Variants in STK25 observed in about 807,000 individuals in gnomAD.
STK25 encodes serine/threonine-protein kinase 25.
A neutral mutation model predicts 53.8 loss-of-function variants in STK25; 29 were observed. The observed-to-expected ratio is 0.54, with a 90% CI of 0.40 to 0.74. The LOEUF (loss-of-function observed/expected upper bound fraction) is 0.74. Among genes scored for constraint, STK25 ranks in the 30% least tolerant of loss-of-function variants. The pLI, the probability that STK25 is intolerant of heterozygous loss-of-function variation, is 0.00. For missense variants in STK25, 420 were observed against 568.0 expected (o/e 0.74, Z 2.65); for synonymous variants, 247 against 238.3 (o/e 1.04, Z -0.33).
rs1391939786 is a variant in STK25, at chr2:241,493,507, C to A, written c.*2155G>T. Reference sequence around the variant, plus strand: ...TTCGATGTCCGCTCAGCTCCCATTTCTACTCATGGTGGTGGAGGCAAGTTT... The same window carrying A: ...TTCGATGTCCGCTCAGCTCCCATTTATACTCATGGTGGTGGAGGCAAGTTT... On this transcript the variant is annotated 3_prime_UTR_variant, in exon 12 of 12. Coordinates refer to ENST00000316586, the MANE Select transcript of STK25 (RefSeq NM_001271977.2). The A allele has an allele frequency of 1.3e-6, 2 of 1,531,908 alleles. No individual in the cohort carries two copies. Among genetic ancestry groups the A allele is most frequent in the Non-Finnish European group, 1.8e-6 (2 of 1,108,866 alleles). 94.9% of individuals were successfully genotyped at this position (1,531,908 alleles called of 1,614,324 possible). A position where few individuals can be genotyped will look rare whatever the true frequency, so the allele number is the denominator to read the frequency against.
At position 241,498,367 on chromosome 2, in the gene STK25, T is replaced by A; in HGVS notation, c.918-18A>T. On this transcript the variant is annotated intron_variant, in intron 8 of 11. Coordinates refer to ENST00000316586, the MANE Select transcript of STK25 (RefSeq NM_001271977.2). ...CGCCATCACTGAAGAGGATGAGGAG[T>A]TGCCAGGGCCAGTGGGGAGAGGGCC... 6.4e-7 allele frequency: 1 copy of A among 1,559,446 alleles called. No individual in the cohort carries two copies. The highest frequency in any genetic ancestry group is 8.7e-7 in the Non-Finnish European group (1 of 1,145,344).
At position 241,499,323 on chromosome 2, in the gene STK25, G is replaced by T; in HGVS notation, c.519C>A (p.Asn173Lys). 6.8e-6 allele frequency: 11 copies of T among 1,614,050 alleles called. No homozygotes were observed. Among genetic ancestry groups the T allele is most frequent in the Non-Finnish European group, 9.3e-6 (11 of 1,179,994 alleles). Residue 173 changes from asparagine (N) to lysine (K), a missense_variant, in exon 6 of 12, where the codon AAC (asparagine) becomes AAA (lysine). Transcript: ENST00000316586. ...TCCAGAAGGGGGTGCCCACGAATGT[G>T]TTCCTCTTAATCTGCGTGTCTGTGA... ...GQLTDTQIKR[N>K]TFVGTPFWMA...
Position 241,497,668 on chromosome 2 carries a change from CTCT to C in STK25, c.1049_1051del (p.Lys350del). The C allele has an allele frequency of 6.2e-7, 1 of 1,613,498 alleles. No individual in the cohort carries two copies. The highest frequency in any genetic ancestry group is 8.5e-7 in the Non-Finnish European group (1 of 1,180,006). On this transcript the variant is annotated inframe_deletion, in exon 10 of 12. Coordinates refer to ENST00000316586, the MANE Select transcript of STK25 (RefSeq NM_001271977.2). ...GGACAGGCACTGGGACCTCGGCTGC[CTCT>C]TGACGGGCTCCGCAGGCTGCAAAGG...
rs752281908 is a variant in STK25 at position 241,498,691 on chromosome 2, G to A, written c.865C>T (p.Arg289Cys). 4.3e-6 allele frequency: 7 copies of A among 1,614,004 alleles called. No homozygotes were observed. Among genetic ancestry groups the A allele is most frequent in the African/African-American group, 4.0e-5 (3 of 74,946 alleles). ...FLTELIDRYKRWKSEGHGEES... is the reference protein window; with the variant it reads ...FLTELIDRYKCWKSEGHGEES... The stretch of plus-strand genomic sequence containing the variant: ...TCGCCATGCCCCTCTGACTTCCAGC[G>A]CTTATAGCGGTCGATGAGCTCCGTG... The change falls in exon 8 of 12, where the codon CGC (arginine) becomes TGC (cysteine). Residue 289 changes from arginine (R) to cysteine (C), a missense_variant. Physicochemically the swap from Arg to Cys is radical, Grantham distance 180. Coordinates refer to ENST00000316586, the MANE Select transcript of STK25 (RefSeq NM_001271977.2).
At position 241,500,185 on chromosome 2, in the gene STK25, G is replaced by A. The variant is rs752104382; in HGVS notation, c.415C>T (p.Arg139Ter). Residue 139 changes from arginine to a stop codon, truncating the protein, a stop_gained, in exon 5 of 12, where the codon CGA becomes TGA. Coordinates refer to ENST00000316586, the MANE Select transcript of STK25 (RefSeq NM_001271977.2). LOFTEE classifies it high-confidence loss of function. ...DYLHSERKIH[R>*]DIKAANVLLS... ...CCCCCAGCAGGACCTTTGATGTCTC[G>A]GTGGATCTTGCGTTCGGAGTGCAGA... 5.6e-6 allele frequency: 9 copies of A among 1,613,762 alleles called. No individual in the cohort carries two copies. The highest frequency in any genetic ancestry group is 1.1e-5 in the South Asian group (1 of 91,062).
rs575283599 is a variant in STK25 at position 241,492,975 on chromosome 2, G to A, written c.*2687C>T. ...CTAAGAAAGTTCAAAAACAGTCATG[G>A]CTGGCAGAAGCTCTGGGTCGTCTTT... is the stretch of plus-strand genomic sequence containing the variant. On this transcript the variant is annotated 3_prime_UTR_variant, in exon 12 of 12. Coordinates refer to ENST00000316586, the MANE Select transcript of STK25 (RefSeq NM_001271977.2). 3.1e-6 allele frequency: 5 copies of A among 1,613,146 alleles called. No individual in the cohort carries two copies. In the South Asian group the frequency reaches 4.4e-5, roughly 14 times the overall value.
chr2:241,496,291 TGTA>T lies in STK25; in HGVS notation c.1241+104_1241+106del. On this transcript the variant is annotated intron_variant, in intron 11 of 11. Coordinates refer to ENST00000316586, the MANE Select transcript of STK25 (RefSeq NM_001271977.2). The surrounding 1 kb of genome is among the most constrained non-coding windows in gnomAD (Gnocchi z 5.8). Reference sequence around the variant, plus strand: ...GCCTTCCCAGAGTGAAGCGAGCCCATGTAGTGCCAAATGCAGCCACACCCACGA... The same window carrying T: ...GCCTTCCCAGAGTGAAGCGAGCCCATGTGCCAAATGCAGCCACACCCACGA... 1 of 1,377,046 alleles carries T rather than the reference TGTA, an allele frequency of 7.3e-7. No individual in the cohort carries two copies. Among genetic ancestry groups the T allele is most frequent in the Non-Finnish European group, 1.0e-6 (1 of 999,340 alleles). The allele number at this position is 1,377,046 out of a possible 1,614,324, so 85.3% of individuals were successfully genotyped here. A position where few individuals can be genotyped will look rare whatever the true frequency, so the allele number is the denominator to read the frequency against.
At position 241,493,364 on chromosome 2, in the gene STK25, A is replaced by C. The variant is rs1484429834; in HGVS notation, c.*2298T>G. 4.3e-6 allele frequency: 7 copies of C among 1,614,042 alleles called. No individual in the cohort carries two copies. The East Asian group carries it at 1.6e-4, about 36-fold the overall frequency. ...GCATCCCCAGGGAGGCCGATGGCAT[A>C]CACAAAGACTATGTTTTCAAGCTCC... On this transcript the variant is annotated 3_prime_UTR_variant, in exon 12 of 12. Coordinates refer to ENST00000316586, the MANE Select transcript of STK25 (RefSeq NM_001271977.2).
rs988630466 is a variant in STK25, at chr2:241,495,344, T to C, written c.*318A>G. 2.8e-5 allele frequency: 10 copies of C among 356,890 alleles called. No individual in the cohort carries two copies. Among genetic ancestry groups the C allele is most frequent in the Admixed American group, 1.6e-4 (4 of 24,794 alleles). 22.1% of individuals were successfully genotyped at this position (356,890 alleles called of 1,614,324 possible). On this transcript the variant is annotated 3_prime_UTR_variant, in exon 12 of 12. Coordinates refer to ENST00000316586, the MANE Select transcript of STK25 (RefSeq NM_001271977.2). The stretch of plus-strand genomic sequence containing the variant: ...GCCTTGGTCTGAGCGGCCATAGGGC[T>C]GCATGAGTCTGCAGAAGACCCAGGC...
chr2:241,493,489 T>C lies in STK25; in HGVS notation c.*2173A>G. ...CCCTGGTCAGCTGCCCATTTCGATGTCCGCTCAGCTCCCATTTCTACTCAT... is the reference window on the plus strand; with the variant it reads ...CCCTGGTCAGCTGCCCATTTCGATGCCCGCTCAGCTCCCATTTCTACTCAT... On this transcript the variant is annotated 3_prime_UTR_variant, in exon 12 of 12. Coordinates refer to ENST00000316586, the MANE Select transcript of STK25 (RefSeq NM_001271977.2). 1.3e-6 allele frequency: 2 copies of C among 1,581,682 alleles called. No individual in the cohort carries two copies. The highest frequency in any genetic ancestry group is 1.7e-6 in the Non-Finnish European group (2 of 1,151,994).
rs1455320125 is a variant in STK25 at position 241,501,633 on chromosome 2, T to C, written c.106A>G (p.Lys36Glu). The C allele has an allele frequency of 1.2e-6, 2 of 1,613,934 alleles. No individual in the cohort carries two copies. The highest frequency in any genetic ancestry group is 1.7e-6 in the Non-Finnish European group (2 of 1,180,028). ...IGKGSFGEVY[K>E]GIDNHTKEVV... is the part of the protein sequence containing the mutation. ...TCCTTTGTGTGGTTATCGATGCCCT[T>C]GTAGACCTCCCCAAACGAGCCCTTG... Residue 36 changes from lysine (K) to glutamate (E), a missense_variant, in exon 3 of 12, where the codon AAG becomes GAG. Physicochemically the swap from Lys to Glu is moderately conservative, Grantham distance 56. Coordinates refer to ENST00000316586, the MANE Select transcript of STK25 (RefSeq NM_001271977.2). This position sits in a 1 kb window ranked among gnomAD's most constrained non-coding sequence, Gnocchi z 5.3.
At position 241,501,435 on chromosome 2, in the gene STK25, G is replaced by A. The variant is rs776020923; in HGVS notation, c.261+43C>T. ...AGTCCCTCTGACATGGAAGAGAGCC[G>A]GGCACAGCACCAGCAGGGTCCCCGC... is the stretch of plus-strand genomic sequence containing the variant. On this transcript the variant is annotated intron_variant, in intron 3 of 11. Coordinates refer to ENST00000316586, the MANE Select transcript of STK25 (RefSeq NM_001271977.2). The surrounding 1 kb of genome is among the most constrained non-coding windows in gnomAD (Gnocchi z 5.3). 1.2e-5 allele frequency: 19 copies of A among 1,580,510 alleles called. No homozygotes were observed. Among genetic ancestry groups the A allele is most frequent in the African/African-American group, 6.7e-5 (5 of 74,118 alleles).
chr2:241,496,780 G>C lies in STK25; in HGVS notation c.1105-246C>G, dbSNP rs530850538. ...TTCCCCCTACACTCCGGGGAATCTC[G>C]GACCTCGGTTCTCAGGAGGGGACCA... is the stretch of plus-strand genomic sequence containing the variant. On this transcript the variant is annotated intron_variant, in intron 10 of 11. Coordinates refer to ENST00000316586, the MANE Select transcript of STK25 (RefSeq NM_001271977.2). The surrounding 1 kb of genome is among the most constrained non-coding windows in gnomAD (Gnocchi z 5.8). Among the ~76,000 whole-genome samples, 1 of 152,100 alleles carries C rather than the reference G, an allele frequency of 6.6e-6. No homozygotes were observed. The highest frequency in any genetic ancestry group is 1.5e-5 in the Non-Finnish European group (1 of 68,024).
At position 241,499,370 on chromosome 2, in the gene STK25, C is replaced by A; in HGVS notation, c.472G>T (p.Asp158Tyr). Residue 158 changes from aspartate (D) to tyrosine (Y), a missense_variant, in exon 6 of 12, where the codon GAC (aspartate) becomes TAC (tyrosine). Asp to Tyr is a radical substitution (Grantham distance 160, BLOSUM62 -3). Transcript: ENST00000316586. The part of the protein sequence containing the change: ...LSEQGDVKLA[D>Y]FGVAGQLTDT... ...GTGAGCTGCCCTGCTACCCCAAAGT[C>A]CGCCAGCTTCACGTCACCCTGCTCC... The A allele has an allele frequency of 6.2e-7, 1 of 1,613,916 alleles. No homozygotes were observed. Among genetic ancestry groups the A allele is most frequent in the Non-Finnish European group, 8.5e-7 (1 of 1,179,934 alleles).
Position 241,501,946 on chromosome 2 carries a change from T to C in STK25, c.31-238A>G. On this transcript the variant is annotated intron_variant, in intron 2 of 11. Coordinates refer to ENST00000316586, the MANE Select transcript of STK25 (RefSeq NM_001271977.2). The surrounding 1 kb of genome is among the most constrained non-coding windows in gnomAD (Gnocchi z 5.3). ...ACTTTGGGAGGCCGAGGCAGGTGGA[T>C]CACTTGAGGTCAGGAGTTCGAGACC... is the stretch of plus-strand genomic sequence containing the variant. 2 of 448,402 alleles carry C rather than the reference T, an allele frequency of 4.5e-6. No homozygotes were observed. Among genetic ancestry groups the C allele is most frequent in the South Asian group, 2.2e-5 (1 of 44,884 alleles). 27.8% of individuals were successfully genotyped at this position (448,402 alleles called of 1,614,324 possible). A position where few individuals can be genotyped will look rare whatever the true frequency, so the allele number is the denominator to read the frequency against.
chr2:241,501,099 C>T lies in STK25; in HGVS notation c.262-303G>A. 1.8e-6 allele frequency: 1 copy of T among 560,440 alleles called. No individual in the cohort carries two copies. Among genetic ancestry groups the T allele is most frequent in the Non-Finnish European group, 3.2e-6 (1 of 311,780 alleles). The allele number at this position is 560,440 out of a possible 1,614,324, so 34.7% of individuals were successfully genotyped here. The stretch of plus-strand genomic sequence containing the variant: ...AGGGCTGGGAAGAGGGCATGGCTGG[C>T]AAGCATGTGACCCGACACACCCATC... On this transcript the variant is annotated intron_variant, in intron 3 of 11. Coordinates refer to ENST00000316586, the MANE Select transcript of STK25 (RefSeq NM_001271977.2). This position sits in a 1 kb window ranked among gnomAD's most constrained non-coding sequence, Gnocchi z 5.3.
chr2:241,506,415 A>G (rs771019250), intron 2 of STK25, among the ~76,000 whole-genome samples: 9 of 152,184 alleles, frequency 5.9e-5, no homozygotes, highest in Admixed American at 5.2e-4. Flanking sequence ...GTTACAGGGC[A>G]CCTCGGAGCT....
intron 5 of STK25, 45 bp from the exon 6 acceptor site, chr2:241,499,459 G>A (rs755637048): frequency 2.4e-5 from 39 of 1,592,716 alleles, no homozygotes; most frequent in Non-Finnish European, 3.3e-5. Context: ...GCTCCACGTG[G>A]CTCCACCCCG....
In STK25 at chr2:241,500,760, C is replaced by T. The variant is rs2065459148; in HGVS notation, c.298G>A (p.Gly100Ser). ...CTCACCAAGTCCAGTGCTGAGCCGC[C>T]GCCCAGGTACTCCATGATGATCCAT... ...KLWIIMEYLG[G>S]GSALDLLKPG... The change falls in exon 4 of 12, where the codon GGC (glycine) becomes AGC (serine). Residue 100 changes from glycine (G) to serine (S), a missense_variant. Coordinates refer to ENST00000316586, the MANE Select transcript of STK25 (RefSeq NM_001271977.2). The T allele has an allele frequency of 4.3e-6, 7 of 1,613,956 alleles. No homozygotes were observed. Among genetic ancestry groups the T allele is most frequent in the East Asian group, 2.2e-5 (1 of 44,876 alleles).
Sources: gnomAD v4.1 joint callset for allele counts (sites outside exome capture counted in the v4.1 genomes callset) on GRCh38, gnomAD v4.1.1 for gene constraint, Gnocchi (gnomAD v3.1) non-coding constraint, MANE v1.5 for transcripts, NCBI Gene and HGNC (gene_info 2026-07-23, HGNC 2026-07-21) for gene names.